The following REEP4 variants were observed in gnomAD, a reference collection of about 807,000 sequenced individuals.
REEP4 encodes the protein receptor accessory protein 4, also known as receptor expression-enhancing protein 4.
A neutral mutation model predicts 33.5 loss-of-function variants in REEP4; 17 were observed. The observed-to-expected ratio is 0.51, with a 90% CI of 0.35 to 0.76. The LOEUF (loss-of-function observed/expected upper bound fraction) is 0.76, where lower values mean the gene tolerates loss of function less well. REEP4 is among the 30% of genes least tolerant of loss of function. The pLI is 0.01. For missense variants in REEP4, 340 were observed against 357.9 expected, an observed-to-expected ratio of 0.95 and a Z score of 0.40; for synonymous variants, 157 against 142.9, an observed-to-expected ratio of 1.10 and a Z score of -0.70.
chr8:22,138,123 A>G lies in REEP4; in HGVS notation c.*364T>C. ...CATGTGCCAGGCCTTATGAAAGGCT[A>G]TCAAGTACTTTGAAGGACAGGAAGG... On this transcript the variant is annotated 3_prime_UTR_variant, in exon 8 of 8. Coordinates refer to ENST00000306306, the MANE Select transcript of REEP4 (RefSeq NM_025232.4). 1.7e-6 allele frequency: 1 copy of G among 584,936 alleles called. No homozygotes were observed. Among genetic ancestry groups the G allele is most frequent in the East Asian group, 2.8e-5 (1 of 35,332 alleles). The allele number at this position is 584,936 out of a possible 1,614,324, so 36.2% of individuals were successfully genotyped here.
rs1022201761 is a variant in REEP4 at position 22,139,397 on chromosome 8, G to A, written c.417+19C>T. ...AGGGGTGGGATGGGGGCTGCTGGAG[G>A]GCTGGGGGCCCAGAGCACCTTGGTG... On this transcript the variant is annotated intron_variant, in intron 5 of 7. Transcript: ENST00000306306. The A allele has an allele frequency of 2.5e-6, 4 of 1,585,452 alleles. No homozygotes were observed. Among genetic ancestry groups the A allele is most frequent in the East Asian group, 2.2e-5 (1 of 44,802 alleles).
At chr8:22,139,335 T>C (rs1827186830) in intron 5 of REEP4, 81 bp downstream of exon 5, 3 of 1,242,938 alleles carry the variant, frequency 2.4e-6, no homozygotes, top group Non-Finnish European at 3.5e-6. Context: ...ATCTCTGGGC[T>C]CCCTGGCAGA....
rs752398628 is a variant in REEP4 at position 22,140,213 on chromosome 8, G to C, written c.141C>G (p.Leu47=). 32 of 1,614,034 alleles carry C rather than the reference G, an allele frequency of 2.0e-5. No homozygotes were observed. Among genetic ancestry groups the C allele is most frequent in the Non-Finnish European group, 1.3e-5 (15 of 1,180,032 alleles). The change falls in exon 3 of 8, where the codon CTC becomes CTG. Residue 47 remains leucine, a synonymous_variant. Transcript: ENST00000306306. ...CTGTAACGATCTCTGCTGCCATGAA[G>C]AGTGCAAAAACAATCCAGTACATCA... ...RWMMYWIVFA[L]FMAAEIVTDI...
chr8:22,138,224 C>G lies in REEP4; in HGVS notation c.*263G>C, dbSNP rs117154592. 4,950 of 640,666 alleles carry G rather than the reference C, an allele frequency of 7.7e-3. 32 individuals carry two copies. The highest frequency in any genetic ancestry group is 0.011 in the Middle Eastern group (28 of 2,440). The allele number at this position is 640,666 out of a possible 1,614,324, so 39.7% of individuals were successfully genotyped here. On this transcript the variant is annotated 3_prime_UTR_variant, in exon 8 of 8. Transcript: ENST00000306306. ...GGGTTGCAGGGGTTCAGGGAGGGCT[C>G]TTGTCCCACAACCGGGGAAGGGAGA...
At chr8:22,139,839 T>A in intron 4 of REEP4, 124 bp downstream of exon 4, 1 of 1,234,626 alleles carries the variant, frequency 8.1e-7, no homozygotes, top group Non-Finnish European at 1.1e-6. Context: ...GTCAAGGTCC[T>A]GCCCCTCAAT....
chr8:22,139,788 C>T (rs1827197183), intron 4 of REEP4, 175 bp downstream of exon 4: 1 of 835,184 alleles, frequency 1.2e-6, no homozygotes. Flanking sequence ...TCATGTGTAC[C>T]CCCACCTGAT....
chr8:22,139,829 G>A, intron 4 of REEP4, 134 bp downstream of exon 4: 1 of 1,120,838 alleles, frequency 8.9e-7, no homozygotes. Context: ...GCTGGGCCCT[G>A]TCAAGGTCCT....
Position 22,141,740 on chromosome 8 carries a change from G to C in REEP4, c.-258C>G, listed in dbSNP as rs1053246528. 2 of 417,756 alleles carry C rather than the reference G, an allele frequency of 4.8e-6. No individual in the cohort carries two copies. The highest frequency in any genetic ancestry group is 8.5e-6 in the Non-Finnish European group (2 of 236,230). The allele number at this position is 417,756 out of a possible 1,614,324, so 25.9% of individuals were successfully genotyped here. On this transcript the variant is annotated 5_prime_UTR_variant, in exon 1 of 8. Transcript: ENST00000306306. ...GGGAGCGGGCGCGCCCCGCGGCCGG[G>C]GCAGTTACAGCTCCCACCCGCCCTT...
At chr8:22,141,301 C>A in intron 1 of REEP4, 150 bp downstream of exon 1, 1 of 931,546 alleles carries the variant, frequency 1.1e-6, no homozygotes, top group Non-Finnish European at 1.6e-6. Flanking sequence ...CCAGACACCG[C>A]GTGCAAGCCC....
At chr8:22,139,215 G>A in intron 5 of REEP4, 154 bp from the exon 6 acceptor site, 1 of 1,110,612 alleles carries the variant, frequency 9.0e-7, no homozygotes, top group Non-Finnish European at 1.3e-6. Flanking sequence ...TCAGAGAGCA[G>A]GAGCCGCTGC....
intron 5 of REEP4, 130 bp downstream of exon 5, chr8:22,139,286 A>ACC: frequency 1.1e-6 from 1 of 931,062 alleles, no homozygotes; most frequent in Non-Finnish European, 1.7e-6. Flanking sequence ...TTCTGCCAAT[A>ACC]CCCCCCCGTC....
Position 22,138,485 on chromosome 8 carries a change from C to T in REEP4, c.*2G>A. 1.9e-6 allele frequency: 3 copies of T among 1,613,422 alleles called. No homozygotes were observed. Among genetic ancestry groups the T allele is most frequent in the Non-Finnish European group, 2.5e-6 (3 of 1,180,022 alleles). Reference sequence around the variant, plus strand: ...GTAAGAAGGGGGCAGATGCAGCAGACCCTAGCTGTCCACGTCTGAGGGCAC... The same window carrying T: ...GTAAGAAGGGGGCAGATGCAGCAGATCCTAGCTGTCCACGTCTGAGGGCAC... On this transcript the variant is annotated 3_prime_UTR_variant, in exon 8 of 8. Coordinates refer to ENST00000306306, the MANE Select transcript of REEP4 (RefSeq NM_025232.4).
chr8:22,141,554 C>A lies in REEP4; in HGVS notation c.-72G>T, dbSNP rs1827232031. 2 of 1,518,562 alleles carry A rather than the reference C, an allele frequency of 1.3e-6. No homozygotes were observed. The highest frequency in any genetic ancestry group is 2.5e-5 in the South Asian group (2 of 80,162). 94.1% of individuals were successfully genotyped at this position (1,518,562 alleles called of 1,614,324 possible). On this transcript the variant is annotated 5_prime_UTR_variant, in exon 1 of 8. Coordinates refer to ENST00000306306, the MANE Select transcript of REEP4 (RefSeq NM_025232.4). ...AAGGACGTTCACTCAAGGGCTGGGA[C>A]GGGGGGTGATCAGGGCAGTTGCGGG...
At chr8:22,140,121 G>A in intron 3 of REEP4, 38 bp from the exon 4 acceptor site, 3 of 1,614,174 alleles carry the variant, frequency 1.9e-6, no homozygotes, top group Non-Finnish European at 2.5e-6. Context: ...CCAAGGAGCA[G>A]GGCTGGGGGG....
intron 1 of REEP4, 146 bp from the exon 2 acceptor site, chr8:22,140,843 G>A: frequency 1.4e-6 from 1 of 695,196 alleles, no homozygotes; most frequent in Non-Finnish European, 2.5e-6. Flanking sequence ...CTGAGTCAGA[G>A]CCCTGGAGGC....
rs1563198911 is a variant in REEP4, at chr8:22,138,745, CAACACTCAT to C, written c.593_601del (p.Asp198_Trp201delinsGly). 1 of 1,611,652 alleles carries C rather than the reference CAACACTCAT, an allele frequency of 6.2e-7. No individual in the cohort carries two copies. Among genetic ancestry groups the C allele is most frequent in the East Asian group, 2.2e-5 (1 of 44,862 alleles). On this transcript the variant is annotated inframe_deletion, in exon 7 of 8. Transcript: ENST00000306306. ...CCGGGGGACTGCCTCAGTATCTGACCAACACTCATCCTCGGTGTCGCTGTCCTGCAGGCC... is the reference window on the plus strand; with the variant it reads ...CCGGGGGACTGCCTCAGTATCTGACCCCTCGGTGTCGCTGTCCTGCAGGCC...
rs772776740 is a variant in REEP4 at position 22,138,181 on chromosome 8, T to TTTGCAGGGGTTCAGGGAGGG, written c.*286_*305dup. 5.0e-6 allele frequency: 3 copies of TTTGCAGGGGTTCAGGGAGGG among 602,442 alleles called. No individual in the cohort carries two copies. The highest frequency in any genetic ancestry group is 3.9e-5 in the South Asian group (2 of 51,388). 37.3% of individuals were successfully genotyped at this position (602,442 alleles called of 1,614,324 possible). ...ACACCCAGGTGGACGTTTGGTTTCA[T>TTTGCAGGGGTTCAGGGAGGG]TTGCAGGGGTTCAGGGAGGGTTGCA... On this transcript the variant is annotated 3_prime_UTR_variant, in exon 8 of 8. Transcript: ENST00000306306.
At position 22,141,621 on chromosome 8, in the gene REEP4, C is replaced by T. The variant is rs1365634743; in HGVS notation, c.-139G>A. On this transcript the variant is annotated 5_prime_UTR_variant, in exon 1 of 8. Coordinates refer to ENST00000306306, the MANE Select transcript of REEP4 (RefSeq NM_025232.4). ...CGGCTGTCCCTCGGCGGAGGCAGAG[C>T]CCGCCGCCCACGGCCTCCGACTGTG... 2.3e-6 allele frequency: 2 copies of T among 854,876 alleles called. No individual in the cohort carries two copies. Among genetic ancestry groups the T allele is most frequent in the Non-Finnish European group, 3.5e-6 (2 of 566,678 alleles). 53.0% of individuals were successfully genotyped at this position (854,876 alleles called of 1,614,324 possible). A position where few individuals can be genotyped will look rare whatever the true frequency, so the allele number is the denominator to read the frequency against.
chr8:22,141,692 C>T lies in REEP4; in HGVS notation c.-210G>A. On this transcript the variant is annotated 5_prime_UTR_variant, in exon 1 of 8. Transcript: ENST00000306306. ...ATGGGGAGACCCGAGGCAAAGCGGC[C>T]CCGGCGGGGAGGAAGCCGACTTGGG... 1 of 437,018 alleles carries T rather than the reference C, an allele frequency of 2.3e-6. No individual in the cohort carries two copies. 27.1% of individuals were successfully genotyped at this position (437,018 alleles called of 1,614,324 possible). A position where few individuals can be genotyped will look rare whatever the true frequency, so the allele number is the denominator to read the frequency against.
Sources: allele counts gnomAD v4.1 joint callset, GRCh38; gene constraint gnomAD v4.1.1; transcripts MANE v1.5; gene names NCBI Gene and HGNC (gene_info 2026-07-23, HGNC 2026-07-21).